BBS4: variants seen among roughly 807,000 people sequenced by gnomAD.
BBS4 encodes BBSome complex member BBS4.
In BBS4, 58 loss-of-function variants were observed where a neutral mutation model predicts 71.4. The observed-to-expected ratio is 0.81, with a 90% CI of 0.66 to 1.01. The LOEUF is 1.01. Among genes scored for constraint, BBS4 ranks in the 50% least tolerant of loss-of-function variants. The pLI is 0.00. For synonymous variants in BBS4, 228 were observed against 216.8 expected (o/e 1.05, Z -0.46); for missense variants, 660 against 607.9 (o/e 1.09, Z -0.90).
At chr15:72,725,910 TCCCCATC>T (rs1405842708) in intron 8 of BBS4, among the ~76,000 whole-genome samples, 2 of 1,248 alleles carry the variant, frequency 1.6e-3, no homozygotes, top group African/African-American at 7.5e-3. Context: ...CATCCCCCTT[TCCCCATC>T]CCCCTTCCCC....
intron 14 of BBS4, among the ~76,000 whole-genome samples, chr15:72,736,398 C>T (rs566928247): frequency 1.6e-4 from 25 of 152,158 alleles, no homozygotes; most frequent in East Asian, 1.5e-3. Flanking sequence ...CGTGCCACCA[C>T]GCCCAGCTAA....
intron 5 of BBS4, among the ~76,000 whole-genome samples, chr15:72,715,795 T>C (rs2065458298): frequency 6.6e-6 from 1 of 152,224 alleles, no homozygotes; most frequent in Non-Finnish European, 1.5e-5. Flanking sequence ...TCCTGACTTC[T>C]GATGGTTCAA....
At chr15:72,729,990 T>C in intron 10 of BBS4, among the ~76,000 whole-genome samples, 1 of 152,110 alleles carries the variant, frequency 6.6e-6, no homozygotes, top group East Asian at 1.9e-4. Flanking sequence ...CAAAAATAAA[T>C]CTGCGGCCCG....
intron 5 of BBS4, among the ~76,000 whole-genome samples, chr15:72,715,782 A>G (rs2012253): frequency 0.72 from 109,580 of 152,040 alleles, 40,069 homozygotes; most frequent in Non-Finnish European, 0.79. Flanking sequence ...AAGGACAGAG[A>G]GTTCCTGACT....
At chr15:72,708,029 C>T (rs763800836) in intron 2 of BBS4, among the ~76,000 whole-genome samples, 5 of 151,148 alleles carry the variant, frequency 3.3e-5, no homozygotes, top group Admixed American at 6.6e-5. Flanking sequence ...TGCAGTGGCG[C>T]GATCTCGGCT....
Position 72,686,260 on chromosome 15 carries a change from C to G in BBS4, c.24+9C>G. On this transcript the variant is annotated intron_variant, in intron 1 of 15. Transcript: ENST00000268057. The stretch of plus-strand genomic sequence containing the variant: ...AGGAGAGAGTCGCGACGGTGAGCGC[C>G]GAGATTCTCTTTAGTTGCCCGGCCG... The G allele has an allele frequency of 1.3e-6, 2 of 1,564,884 alleles. No individual in the cohort carries two copies. The highest frequency in any genetic ancestry group is 1.7e-6 in the Non-Finnish European group (2 of 1,155,436).
At position 72,737,622 on chromosome 15, in the gene BBS4, T is replaced by G; in HGVS notation, c.*35T>G. ...GAATGACCCCAAAATAGGGTTTTCT[T>G]GGGCGAGGATGTGCTGGATTAGGAA... On this transcript the variant is annotated 3_prime_UTR_variant, in exon 16 of 16. Transcript: ENST00000268057. 6.7e-7 allele frequency: 1 copy of G among 1,501,022 alleles called. No individual in the cohort carries two copies. Among genetic ancestry groups the G allele is most frequent in the Non-Finnish European group, 9.1e-7 (1 of 1,097,264 alleles). 93.0% of individuals were successfully genotyped at this position (1,501,022 alleles called of 1,614,324 possible). A position where few individuals can be genotyped will look rare whatever the true frequency, so the allele number is the denominator to read the frequency against.
intron 12 of BBS4, among the ~76,000 whole-genome samples, chr15:72,734,662 G>A (rs1298193923): frequency 2.0e-5 from 3 of 152,086 alleles, no homozygotes; most frequent in Non-Finnish European, 2.9e-5. Context: ...AGGTGTCAAG[G>A]AAATACTGAT....
At chr15:72,710,305 ATTC>A (rs1477161423) in intron 3 of BBS4, among the ~76,000 whole-genome samples, 1 of 148,356 alleles carries the variant, frequency 6.7e-6, no homozygotes, top group Non-Finnish European at 1.5e-5. Flanking sequence ...GGTTCAAGCA[ATTC>A]TTCTGCCTCA....
intron 2 of BBS4, among the ~76,000 whole-genome samples, chr15:72,708,261 T>A (rs2065301484): frequency 6.6e-6 from 1 of 152,182 alleles, no homozygotes; most frequent in African/African-American, 2.4e-5. Flanking sequence ...CCACTGCACC[T>A]GGCCAGAAGT....
chr15:72,713,884 T>A (rs1460012861), intron 4 of BBS4, among the ~76,000 whole-genome samples: 2 of 152,250 alleles, frequency 1.3e-5, no homozygotes, highest in Non-Finnish European at 2.9e-5. Flanking sequence ...TTTTATTCAG[T>A]ATTAATCTTT....
At chr15:72,734,502 C>T (rs1016960535) in intron 12 of BBS4, among the ~76,000 whole-genome samples, 10 of 152,086 alleles carry the variant, frequency 6.6e-5, no homozygotes, top group South Asian at 4.1e-4. Flanking sequence ...GGAGGTCATG[C>T]GTACAGTGCA....
chr15:72,726,359 G>A (rs909906592), intron 8 of BBS4, among the ~76,000 whole-genome samples: 2 of 152,078 alleles, frequency 1.3e-5, no homozygotes, highest in African/African-American at 4.8e-5. Context: ...TGATCTGCTT[G>A]CCTTGGTCTC....
In BBS4 at chr15:72,695,851, A is replaced by T. The variant is rs188452072; in HGVS notation, c.76+623A>T. ...CTTTGTTGGTTTCTAGTTTAATTCT[A>T]TTGTGGGTAGAGAACATTCTTTATA... On this transcript the variant is annotated intron_variant, in intron 2 of 15. Coordinates refer to ENST00000268057, the MANE Select transcript of BBS4 (RefSeq NM_033028.5). Among the ~76,000 whole-genome samples, 24 of 152,268 alleles carry T rather than the reference A, an allele frequency of 1.6e-4. No individual in the cohort carries two copies. The East Asian group carries it at 4.4e-3, about 28-fold the overall frequency.
chr15:72,706,581 G>A (rs549410162), intron 2 of BBS4, among the ~76,000 whole-genome samples: 2 of 152,288 alleles, frequency 1.3e-5, no homozygotes, highest in East Asian at 3.9e-4. Context: ...GGTCATTGGT[G>A]AAGCCTAGGG....
At chr15:72,714,915 G>A (rs1043460366) in intron 4 of BBS4, among the ~76,000 whole-genome samples, 22 of 152,194 alleles carry the variant, frequency 1.4e-4, no homozygotes, top group African/African-American at 2.4e-4. Flanking sequence ...TTGGGGGTTC[G>A]CTCTGAAAAC....
intron 2 of BBS4, among the ~76,000 whole-genome samples, chr15:72,700,243 A>G (rs1351941269): frequency 6.6e-6 from 1 of 152,068 alleles, no homozygotes; most frequent in Non-Finnish European, 1.5e-5. Flanking sequence ...CGGCCTGAAC[A>G]TTTATTTACT....
At chr15:72,737,126 G>A in intron 15 of BBS4, 163 bp downstream of exon 15, 1 of 854,034 alleles carries the variant, frequency 1.2e-6, no homozygotes, top group Non-Finnish European at 1.9e-6. Flanking sequence ...ATTGGCACTT[G>A]TTTCCTTAAG....
intron 8 of BBS4, among the ~76,000 whole-genome samples, chr15:72,726,870 A>G (rs1191510004): frequency 6.6e-6 from 1 of 152,250 alleles, no homozygotes; most frequent in East Asian, 1.9e-4. Flanking sequence ...GTAACTGATC[A>G]AGGACTTTGG....
Sources: allele counts gnomAD v4.1 joint callset (sites outside exome capture counted in the v4.1 genomes callset), GRCh38; gene constraint gnomAD v4.1.1; transcripts MANE v1.5; gene names NCBI Gene and HGNC (gene_info 2026-07-23, HGNC 2026-07-21).